The following DYTN variants were observed in gnomAD, a reference collection of about 807,000 sequenced individuals.
The protein encoded by DYTN is dystrotelin.
DYTN carries 75 observed loss-of-function variants against 69.6 expected under a neutral mutation model. The ratio of observed to expected loss-of-function variants is 1.08; its 90% CI spans 0.89 to 1.31. The LOEUF (loss-of-function observed/expected upper bound fraction) is 1.31. Among genes scored for constraint, DYTN ranks in the 50% most tolerant of loss-of-function variants. The probability of loss-of-function intolerance (pLI) is 0.00; values close to 1 mark genes in which losing one functional copy is unlikely to be tolerated. For missense variants in DYTN, 726 were observed against 688.4 expected (o/e 1.05, Z -0.61); for synonymous variants, 252 against 249.1 (o/e 1.01, Z -0.11).
At chr2:206,703,084 A>G (rs1457492077) in intron 5 of DYTN, among the ~76,000 whole-genome samples, 3 of 152,166 alleles carry the variant, frequency 2.0e-5, no homozygotes, top group East Asian at 1.9e-4. Context: ...TCAGGAGCAT[A>G]CTGATGCCTG....
chr2:206,717,118 C>T (rs374530316), intron 1 of DYTN, among the ~76,000 whole-genome samples: 4 of 150,796 alleles, frequency 2.7e-5, no homozygotes, highest in East Asian at 2.0e-4. Flanking sequence ...AAATGTATCA[C>T]GCCCAAAGCT....
chr2:206,677,859 G>A (rs1057114807), intron 9 of DYTN, among the ~76,000 whole-genome samples: 7 of 151,978 alleles, frequency 4.6e-5, no homozygotes, highest in Non-Finnish European at 1.0e-4. Flanking sequence ...GGCGTGATGC[G>A]GGCACCTGGA....
chr2:206,699,642 C>A, intron 7 of DYTN, 85 bp downstream of exon 7: 3 of 1,458,900 alleles, frequency 2.1e-6, no homozygotes, highest in South Asian at 3.1e-5. Flanking sequence ...TAAGGAGGAC[C>A]CCAAAAAGAA....
At position 206,694,780 on chromosome 2, in the gene DYTN, C is replaced by T; in HGVS notation, c.817G>A (p.Glu273Lys). ...KSHQKSHPVI[E>K]HCIQMSAMQN... ...TTAAATGTTACCTGAATGCAGTGCT[C>T]AATGACAGGATGAGACTTCTGATGG... Residue 273 changes from glutamate (E) to lysine (K), a missense_variant, in exon 8 of 12, where the codon GAG becomes AAG. By Grantham distance (56) the Glu-to-Lys change is moderately conservative. Transcript: ENST00000452335. 2 of 1,606,926 alleles carry T rather than the reference C, an allele frequency of 1.2e-6. No homozygotes were observed. The highest frequency in any genetic ancestry group is 1.1e-5 in the South Asian group (1 of 89,350).
At chr2:206,693,377 T>C in intron 8 of DYTN, 54 bp from the exon 9 acceptor site, 1 of 1,556,708 alleles carries the variant, frequency 6.4e-7, no homozygotes, top group South Asian at 1.2e-5. Context: ...ACGTGTGGTC[T>C]TCCTTCCTTA....
rs79969810 is a variant in DYTN, at chr2:206,663,091, C to G, written c.1445G>C (p.Ser482Thr). ...GTCCTGCTTCAGTCCCTCCTGATAA[C>G]TGGGTAGGGCACTAATGACTTTCTG... ...MPQKVISALP[S>T]YQEGLKQDIP... Residue 482 changes from serine to threonine, a missense_variant, in exon 11 of 12, where the codon AGT becomes ACT. Physicochemically the swap from Ser to Thr is moderately conservative, Grantham distance 58. Coordinates refer to ENST00000452335, the MANE Select transcript of DYTN (RefSeq NM_001093730.1). 2,871 of 1,613,848 alleles carry G rather than the reference C, an allele frequency of 1.8e-3. 48 individuals are homozygous for G. The African/African-American group carries it at 0.032, about 18-fold the overall frequency.
intron 9 of DYTN, among the ~76,000 whole-genome samples, chr2:206,685,934 G>T (rs1021008153): frequency 2.7e-5 from 4 of 148,890 alleles, no homozygotes; most frequent in African/African-American, 7.4e-5. Flanking sequence ...CCCTAAAAAT[G>T]TTGAAGTTAT....
At position 206,707,443 on chromosome 2, in the gene DYTN, G is replaced by A; in HGVS notation, c.155C>T (p.Ala52Val). Reference sequence around the variant, plus strand: ...CTGCACAGAAAGGGAGTGCTTGCGAGCTTCCCAGAAACTTGGACGCAGTAG... The same window carrying A: ...CTGCACAGAAAGGGAGTGCTTGCGAACTTCCCAGAAACTTGGACGCAGTAG... ...QVLLRPSFWE[A>V]RKHSLSVQQL... The change falls in exon 3 of 12, where the codon GCT (alanine) becomes GTT (valine). Residue 52 changes from alanine to valine, a missense_variant. By Grantham distance (64) the Ala-to-Val change is moderately conservative. Transcript: ENST00000452335. The A allele has an allele frequency of 6.2e-7, 1 of 1,612,934 alleles. No homozygotes were observed. Among genetic ancestry groups the A allele is most frequent in the Non-Finnish European group, 8.5e-7 (1 of 1,179,544 alleles).
At chr2:206,704,783 A>G in intron 5 of DYTN, 60 bp downstream of exon 5, 1 of 1,426,154 alleles carries the variant, frequency 7.0e-7, no homozygotes, top group Non-Finnish European at 9.7e-7. Context: ...AGATTCTTTA[A>G]TAATAAATGT....
chr2:206,675,115 A>ATGTGTGTGTG (rs757679127), intron 9 of DYTN, among the ~76,000 whole-genome samples: 1,820 of 131,476 alleles, frequency 0.014, 40 homozygotes, highest in African/African-American at 0.047. Flanking sequence ...ATATATATAT[A>ATGTGTGTGTG]TGTGTGTGTG....
At chr2:206,699,636 G>C in intron 7 of DYTN, 91 bp downstream of exon 7, 1 of 1,442,620 alleles carries the variant, frequency 6.9e-7, no homozygotes, top group Non-Finnish European at 9.2e-7. Context: ...GATGTGTAAG[G>C]AGGACCCCAA....
At chr2:206,656,221 A>G (rs1699446772) in intron 11 of DYTN, among the ~76,000 whole-genome samples, 1 of 152,136 alleles carries the variant, frequency 6.6e-6, no homozygotes, top group African/African-American at 2.4e-5. Context: ...TGACCCTTTT[A>G]TCATTTTATA....
intron 11 of DYTN, among the ~76,000 whole-genome samples, chr2:206,659,958 T>G (rs1436282487): frequency 6.7e-6 from 1 of 149,930 alleles, no homozygotes; most frequent in East Asian, 1.9e-4. Flanking sequence ...TGTATTACTA[T>G]TCAAGAAATT....
chr2:206,671,640 T>C (rs1699631075), intron 9 of DYTN, among the ~76,000 whole-genome samples: 1 of 152,214 alleles, frequency 6.6e-6, no homozygotes, highest in Non-Finnish European at 1.5e-5. Flanking sequence ...TGTATACATA[T>C]GCTATAAACT....
chr2:206,707,519 G>A lies in DYTN; in HGVS notation c.95-16C>T. The stretch of plus-strand genomic sequence containing the variant: ...ATCAAGTCCACTGTAGGAAGCAAAT[G>A]AAGAATTGAGCCTTATTTTCTGATG... On this transcript the variant is annotated splice_polypyrimidine_tract_variant and intron_variant, in intron 2 of 11. Coordinates refer to ENST00000452335, the MANE Select transcript of DYTN (RefSeq NM_001093730.1). The A allele has an allele frequency of 6.3e-7, 1 of 1,596,128 alleles. No individual in the cohort carries two copies. Among genetic ancestry groups the A allele is most frequent in the Non-Finnish European group, 8.5e-7 (1 of 1,171,042 alleles).
At chr2:206,666,738 CGTGTGTGT>C (rs56345459) in intron 9 of DYTN, among the ~76,000 whole-genome samples, 10,195 of 145,668 alleles carry the variant, frequency 0.07, 422 homozygotes, top group Middle Eastern at 0.17. Flanking sequence ...CATGGGTGTG[CGTGTGTGT>C]GTGTGTGTGT....
chr2:206,690,292 G>C lies in DYTN; in HGVS notation c.980+2883C>G, dbSNP rs113780748. ...TGGTGTATTCATGGAGCAGCAAGGAGAGCTGTGAGGCTGAAGCAGAACAAG... is the reference window on the plus strand; with the variant it reads ...TGGTGTATTCATGGAGCAGCAAGGACAGCTGTGAGGCTGAAGCAGAACAAG... On this transcript the variant is annotated intron_variant, in intron 9 of 11. Coordinates refer to ENST00000452335, the MANE Select transcript of DYTN (RefSeq NM_001093730.1). 8.6e-3 allele frequency among the ~76,000 whole-genome samples: 1,316 copies of C among 152,332 alleles called. 30 individuals carry two copies. The highest frequency in any genetic ancestry group is 0.03 in the African/African-American group (1,258 of 41,576).
At chr2:206,685,191 A>AT (rs1197018294) in intron 9 of DYTN, among the ~76,000 whole-genome samples, 4 of 149,318 alleles carry the variant, frequency 2.7e-5, no homozygotes, top group Non-Finnish European at 6.0e-5. Context: ...ATTTTGAAAC[A>AT]TTTTCACCCA....
chr2:206,689,757 A>T (rs1467506416), intron 9 of DYTN, among the ~76,000 whole-genome samples: 1 of 152,202 alleles, frequency 6.6e-6, no homozygotes, highest in Non-Finnish European at 1.5e-5. Flanking sequence ...AAACCTCATT[A>T]TCTTGTTCCA....
Sources: allele counts gnomAD v4.1 joint callset (sites outside exome capture counted in the v4.1 genomes callset), GRCh38; gene constraint gnomAD v4.1.1; transcripts MANE v1.5; gene names NCBI Gene and HGNC (gene_info 2026-07-23, HGNC 2026-07-21).